The following BPIFA3 variants were observed in gnomAD, a reference collection of about 807,000 sequenced individuals.
BPIFA3 encodes the protein BPI fold-containing family A member 3.
Under a neutral mutation model 29.7 loss-of-function variants are expected in BPIFA3, and 32 were observed. The observed-to-expected ratio is 1.08, with a 90% CI of 0.81 to 1.45. The LOEUF (loss-of-function observed/expected upper bound fraction) is 1.45. Ranked by LOEUF, BPIFA3 falls within the 40% of genes most tolerant of loss-of-function variation. The probability of loss-of-function intolerance (pLI) is 0.00; values close to 1 mark genes in which losing one functional copy is unlikely to be tolerated. For missense variants in BPIFA3, 323 were observed against 311.3 expected (o/e 1.04, Z -0.28); for synonymous variants, 112 against 113.7 (o/e 0.98, Z 0.10).
In BPIFA3 at chr20:33,223,917, C is replaced by T. The variant is rs1276113844; in HGVS notation, c.234C>T (p.Gly78=). ...CACAAGTGGCCCCAGGGCTGGTGGG[C>T]TGGCTAATCAGCGGCAGGAAACACC... ...ASAQVAPGLV[G]WLISGRKHQQ... The change falls in exon 2 of 7, where the codon GGC becomes GGT. Residue 78 remains glycine, a synonymous_variant. Coordinates refer to ENST00000375454, the MANE Select transcript of BPIFA3 (RefSeq NM_178466.5). 2 of 1,614,204 alleles carry T rather than the reference C, an allele frequency of 1.2e-6. No individual in the cohort carries two copies. Among genetic ancestry groups the T allele is most frequent in the Non-Finnish European group, 1.7e-6 (2 of 1,180,020 alleles).
Position 33,226,418 on chromosome 20 carries a change from A to T in BPIFA3, c.549A>T (p.Pro183=). The stretch of plus-strand genomic sequence containing the variant: ...CCTTTCTTTCTAGGGCTATCCCACC[A>T]AAGATGAATCAGTTTCTCTACAACC... ...HVAILTEAIP[P]KMNQFLYNLK... is the part of the protein sequence containing the mutation. The change falls in exon 5 of 7, where the codon CCA becomes CCT. Residue 183 remains proline (P), a synonymous_variant. Coordinates refer to ENST00000375454, the MANE Select transcript of BPIFA3 (RefSeq NM_178466.5). 1 of 1,612,414 alleles carries T rather than the reference A, an allele frequency of 6.2e-7. No homozygotes were observed. Among genetic ancestry groups the T allele is most frequent in the Non-Finnish European group, 8.5e-7 (1 of 1,178,786 alleles).
chr20:33,227,615 T>G lies in BPIFA3; in HGVS notation c.763T>G (p.Ter255GlyextTer14). Residue 255 changes from the stop codon to glycine (G), a stop_lost, in exon 7 of 7, where the codon TGA becomes GGA. Coordinates refer to ENST00000375454, the MANE Select transcript of BPIFA3 (RefSeq NM_178466.5). The stretch of plus-strand genomic sequence containing the variant: ...ATGCCAGGCTGGAGAGTCCCCCAGC[T>G]GACTTCTGCTGATCAGAAGGAAAGT... ...SACQAGESPS[*>G] The G allele has an allele frequency of 6.2e-7, 1 of 1,613,140 alleles. No individual in the cohort carries two copies. Among genetic ancestry groups the G allele is most frequent in the Non-Finnish European group, 8.5e-7 (1 of 1,179,132 alleles).
At chr20:33,219,023 A>T (rs2146481608) in intron 1 of BPIFA3, among the ~76,000 whole-genome samples, 1 of 152,280 alleles carries the variant, frequency 6.6e-6, no homozygotes, top group Admixed American at 6.5e-5. Context: ...CTCCTGCCTC[A>T]GCCTCCTGAG....
chr20:33,224,403 A>C lies in BPIFA3; in HGVS notation c.327A>C (p.Ser109=). Residue 109 remains serine (S), a synonymous_variant, in exon 3 of 7, where the codon TCA becomes TCC. Transcript: ENST00000375454. The stretch of plus-strand genomic sequence containing the variant: ...TGGACTGTGGTGGGATCCAGATATC[A>C]TTCCATAAGGAGTGGTTCTCGGCAA... ...IQLDCGGIQI[S]FHKEWFSANI... is the part of the protein sequence containing the mutation. The C allele has an allele frequency of 6.2e-7, 1 of 1,614,204 alleles. No homozygotes were observed. The highest frequency in any genetic ancestry group is 8.5e-7 in the Non-Finnish European group (1 of 1,180,016).
rs1978359812 is a variant in BPIFA3, at chr20:33,227,567, C to T, written c.715C>T (p.His239Tyr). The change falls in exon 7 of 7, where the codon CAT becomes TAT. Residue 239 changes from histidine (H) to tyrosine (Y), a missense_variant. His to Tyr is a moderately conservative substitution (Grantham distance 83, BLOSUM62 2). Transcript: ENST00000375454. Reference protein sequence around the residue: ...EQEAAHEPTHHETSQPSACQA... With the variant: ...EQEAAHEPTHYETSQPSACQA... ...GGAGGCTGCTCATGAACCAACCCACCATGAAACCAGCCAACCCTCTGCATG... is the reference window on the plus strand; with the variant it reads ...GGAGGCTGCTCATGAACCAACCCACTATGAAACCAGCCAACCCTCTGCATG... 3 of 1,614,132 alleles carry T rather than the reference C, an allele frequency of 1.9e-6. No homozygotes were observed. Among genetic ancestry groups the T allele is most frequent in the South Asian group, 1.1e-5 (1 of 91,066 alleles).
chr20:33,223,297 G>A (rs143584740), intron 1 of BPIFA3, among the ~76,000 whole-genome samples: 14 of 152,274 alleles, frequency 9.2e-5, no homozygotes, highest in Middle Eastern at 3.4e-3. Flanking sequence ...CTCATCCCAG[G>A]CAGGAGGGTC....
At chr20:33,225,363 C>T (rs974442398) in intron 4 of BPIFA3, 116 bp downstream of exon 4, 38 of 1,432,356 alleles carry the variant, frequency 2.7e-5, no homozygotes, top group East Asian at 4.7e-5. Flanking sequence ...ATCCTTCCCC[C>T]GGGATCTGCT....
intron 1 of BPIFA3, among the ~76,000 whole-genome samples, chr20:33,223,034 A>C (rs768860177): frequency 9.9e-5 from 15 of 152,098 alleles, no homozygotes; most frequent in Non-Finnish European, 1.3e-4. Flanking sequence ...AGACCCAGGG[A>C]GATGATAGAG....
At chr20:33,222,497 AG>A (rs1985557937) in intron 1 of BPIFA3, among the ~76,000 whole-genome samples, 1 of 152,210 alleles carries the variant, frequency 6.6e-6, no homozygotes, top group Admixed American at 6.5e-5. Context: ...GAATAAAATC[AG>A]GGTTCAGATG....
In BPIFA3 at chr20:33,226,981, A is replaced by G; in HGVS notation, c.673A>G (p.Lys225Glu). ...ILGQLDVKLL[K>E]SLIEQEAAHE... ...CGGGCAGCTGGATGTGAAACTGTTG[A>G]AAAGCCTCATAGGTGAGTGTCTGGT... Residue 225 changes from lysine (K) to glutamate (E), a missense_variant, in exon 6 of 7, where the codon AAA becomes GAA. Physicochemically the swap from Lys to Glu is moderately conservative, Grantham distance 56. Transcript: ENST00000375454. The G allele has an allele frequency of 6.2e-7, 1 of 1,613,904 alleles. No individual in the cohort carries two copies. Among genetic ancestry groups the G allele is most frequent in the Non-Finnish European group, 8.5e-7 (1 of 1,179,792 alleles).
chr20:33,225,973 A>C (rs1985760547), intron 4 of BPIFA3: 1 of 187,346 alleles, frequency 5.3e-6, no homozygotes, highest in Non-Finnish European at 1.1e-5. Flanking sequence ...ATAAAGCTCC[A>C]TAGACTGGCT....
upstream of BPIFA3, chr20:33,217,334 T>C (rs1344432418): frequency 3.6e-6 from 2 of 552,878 alleles, no homozygotes; most frequent in East Asian, 6.8e-5. Context: ...CTCCCAGGGT[T>C]CCACATGTTG....
At chr20:33,224,260 C>G (rs1250167833) in intron 2 of BPIFA3, 95 bp from the exon 3 acceptor site, 6 of 1,046,192 alleles carry the variant, frequency 5.7e-6, no homozygotes, top group African/African-American at 1.6e-5. Flanking sequence ...TTGCCAGGCC[C>G]TCTTTATAGT....
intron 1 of BPIFA3, among the ~76,000 whole-genome samples, chr20:33,220,228 C>G (rs184417508): frequency 6.6e-6 from 1 of 151,700 alleles, no homozygotes; most frequent in African/African-American, 2.4e-5. Context: ...GAAATCCCAT[C>G]TCTACTAAAA....
Position 33,217,382 on chromosome 20 carries a change from G to A in BPIFA3, c.-155G>A. The stretch of plus-strand genomic sequence containing the variant: ...GAGCAAGCCCTGGTGGCAGCGCCAG[G>A]GTCCAGTGCAGCCCCTCCCCACAGC... On this transcript the variant is annotated 5_prime_UTR_variant, in exon 1 of 7. Coordinates refer to ENST00000375454, the MANE Select transcript of BPIFA3 (RefSeq NM_178466.5). 1 of 920,920 alleles carries A rather than the reference G, an allele frequency of 1.1e-6. No homozygotes were observed. The highest frequency in any genetic ancestry group is 1.5e-6 in the Non-Finnish European group (1 of 645,454). 57.0% of individuals were successfully genotyped at this position (920,920 alleles called of 1,614,324 possible).
At position 33,221,239 on chromosome 20, in the gene BPIFA3, T is replaced by A. The variant is rs1041106288; in HGVS notation, c.128-2572T>A. 4.7e-5 allele frequency among the ~76,000 whole-genome samples: 7 copies of A among 147,592 alleles called. No individual in the cohort carries two copies. The East Asian group carries it at 1.3e-3, about 27-fold the overall frequency. On this transcript the variant is annotated intron_variant, in intron 1 of 6. Transcript: ENST00000375454. ...ATCTCAGCTCATTGAAACCTCCACC[T>A]CCCAGCCTGGGTTCAAATGATTCTC...
At chr20:33,222,824 A>T (rs1036665502) in intron 1 of BPIFA3, among the ~76,000 whole-genome samples, 3 of 152,178 alleles carry the variant, frequency 2.0e-5, no homozygotes, top group Admixed American at 2.0e-4. Flanking sequence ...CTATAGGTTC[A>T]CTCTATCCTT....
chr20:33,224,458 AGACCGT>A lies in BPIFA3; in HGVS notation c.385_386+4del, dbSNP rs2146487548. The stretch of plus-strand genomic sequence containing the variant: ...CTCACTTGAATTTGACCTTGAATTG[AGACCGT>A]GAGTCATACAGAAGCAGAATCTGAG... On this transcript the variant is annotated splice_donor_variant and coding_sequence_variant, in exon 3 of 7. Coordinates refer to ENST00000375454, the MANE Select transcript of BPIFA3 (RefSeq NM_178466.5). LOFTEE classifies it high-confidence loss of function. The A allele has an allele frequency of 6.2e-7, 1 of 1,610,568 alleles. No homozygotes were observed. The highest frequency in any genetic ancestry group is 8.5e-7 in the Non-Finnish European group (1 of 1,176,790).
rs1985743552 is a variant in BPIFA3 at position 33,225,554 on chromosome 20, C to A, written c.536+307C>A. 3 of 310,822 alleles carry A rather than the reference C, an allele frequency of 9.7e-6. No individual in the cohort carries two copies. The East Asian group carries it at 1.9e-4, about 19-fold the overall frequency. The allele number at this position is 310,822 out of a possible 1,614,324, so 19.3% of individuals were successfully genotyped here. On this transcript the variant is annotated intron_variant, in intron 4 of 6. Coordinates refer to ENST00000375454, the MANE Select transcript of BPIFA3 (RefSeq NM_178466.5). ...TACCTGGAGCACTACAGGAAACTCA[C>A]CTGGCTTTCCCTGGCCCGGATCTCC...
Sources: gnomAD v4.1 joint callset for allele counts (sites outside exome capture counted in the v4.1 genomes callset) on GRCh38, gnomAD v4.1.1 for gene constraint, MANE v1.5 for transcripts, NCBI Gene and HGNC (gene_info 2026-07-23, HGNC 2026-07-21) for gene names.